ALK: variants seen among roughly 807,000 people sequenced by gnomAD.
The protein encoded by ALK is ALK tyrosine kinase receptor.
A neutral mutation model predicts 163.1 loss-of-function variants in ALK; 74 were observed. The ratio of observed to expected loss-of-function variants is 0.45; its 90% CI spans 0.38 to 0.55. The LOEUF is 0.55. ALK is among the 20% of genes least tolerant of loss of function. ALK has a pLI of 0.00. For missense variants in ALK, 2,063 were observed against 2,105.3 expected, an observed-to-expected ratio of 0.98 and a Z score of 0.39; for synonymous variants, 960 against 843.2, an observed-to-expected ratio of 1.14 and a Z score of -2.40.
At chr2:29,912,126 A>C (rs980590184) in intron 1 of ALK, among the ~76,000 whole-genome samples, 3 of 152,220 alleles carry the variant, frequency 2.0e-5, no homozygotes, top group African/African-American at 7.2e-5. Flanking sequence ...AGAGCATGGG[A>C]GATCTAACAG....
chr2:29,857,637 T>C (rs1666176155), intron 1 of ALK, among the ~76,000 whole-genome samples: 1 of 152,138 alleles, frequency 6.6e-6, no homozygotes, highest in Admixed American at 6.5e-5. Context: ...GTCAACAAAA[T>C]CATGCATGTA....
chr2:29,294,424 G>C lies in ALK; in HGVS notation c.1817+2464C>G, dbSNP rs1368809640. ...CATCCCAGACCCTTCTGAGCCATTAGGTGGGGAGATATTGTCATTATTATA... is the reference window on the plus strand; with the variant it reads ...CATCCCAGACCCTTCTGAGCCATTACGTGGGGAGATATTGTCATTATTATA... On this transcript the variant is annotated intron_variant, in intron 9 of 28. Transcript: ENST00000389048. Among the ~76,000 whole-genome samples the C allele has an allele frequency of 2.0e-5, 3 of 152,208 alleles. No homozygotes were observed. The East Asian group carries it at 5.8e-4, about 29-fold the overall frequency.
intron 2 of ALK, among the ~76,000 whole-genome samples, chr2:29,705,266 TATATATATATATATAA>T (rs1319809897): frequency 0.028 from 1,569 of 56,498 alleles, 72 homozygotes; most frequent in African/African-American, 0.11. Flanking sequence ...TATATATATA[TATATATATATATATAA>T]ATATATATCT....
At chr2:29,675,798 G>A (rs1383558320) in intron 3 of ALK, among the ~76,000 whole-genome samples, 1 of 151,878 alleles carries the variant, frequency 6.6e-6, no homozygotes, top group Non-Finnish European at 1.5e-5. Flanking sequence ...TTGTGCCAAT[G>A]TTTGCTTTAG....
rs768568402 is a variant in ALK, at chr2:29,273,862, T to TA, written c.2041+1236dup. Among the ~76,000 whole-genome samples the TA allele has an allele frequency of 3.3e-5, 5 of 151,628 alleles. No homozygotes were observed. In the East Asian group the frequency reaches 5.8e-4, roughly 18 times the overall value. ...GAGGTGAATCACTGGGCCTGGGGGG[T>TA]AGGGCACTGAATGGAGAAGTTAGAA... On this transcript the variant is annotated intron_variant, in intron 11 of 28. Transcript: ENST00000389048.
At chr2:29,235,077 T>G (rs982875667) in intron 13 of ALK, among the ~76,000 whole-genome samples, 1 of 152,192 alleles carries the variant, frequency 6.6e-6, no homozygotes, top group African/African-American at 2.4e-5. Flanking sequence ...GCTCAGGTAT[T>G]AGAGAGTCCC....
At chr2:29,319,964 C>T (rs1344439121) in intron 7 of ALK, among the ~76,000 whole-genome samples, 1 of 152,256 alleles carries the variant, frequency 6.6e-6, no homozygotes, top group Non-Finnish European at 1.5e-5. Context: ...CAGCCCTATG[C>T]TGCAGAGAGG....
chr2:29,884,365 G>A (rs760731760), intron 1 of ALK, among the ~76,000 whole-genome samples: 44 of 152,172 alleles, frequency 2.9e-4, no homozygotes, highest in Non-Finnish European at 5.3e-4. Flanking sequence ...AAGTCATGAC[G>A]TTACAAGAAA....
At chr2:29,480,148 A>C (rs1271830062) in intron 4 of ALK, among the ~76,000 whole-genome samples, 1 of 152,242 alleles carries the variant, frequency 6.6e-6, no homozygotes, top group Non-Finnish European at 1.5e-5. Flanking sequence ...TAAAAACAGG[A>C]ATATGCATTG....
At chr2:29,300,939 A>G (rs1277226323) in intron 8 of ALK, among the ~76,000 whole-genome samples, 2 of 152,196 alleles carry the variant, frequency 1.3e-5, no homozygotes, top group African/African-American at 4.8e-5. Flanking sequence ...GAGGGCAAGA[A>G]GTGATGACTT....
chr2:29,894,835 C>A, intron 1 of ALK, among the ~76,000 whole-genome samples: 1 of 145,324 alleles, frequency 6.9e-6, no homozygotes, highest in East Asian at 2.0e-4. Flanking sequence ...ATGCTTCAAA[C>A]ACACACACAC....
intron 3 of ALK, among the ~76,000 whole-genome samples, chr2:29,574,672 G>A (rs927202559): frequency 6.6e-5 from 10 of 152,352 alleles, no homozygotes; most frequent in African/African-American, 2.4e-4. Context: ...ATGGGTACAA[G>A]TTCCCTAGAC....
At chr2:29,729,277 CTCTT>C (rs1382117426) in intron 1 of ALK, among the ~76,000 whole-genome samples, 7 of 152,288 alleles carry the variant, frequency 4.6e-5, no homozygotes, top group East Asian at 1.9e-4. Flanking sequence ...CAGAGCCTCT[CTCTT>C]TATTTTGCTT....
chr2:29,260,519 C>CT (rs895872445), intron 11 of ALK, among the ~76,000 whole-genome samples: 3 of 152,092 alleles, frequency 2.0e-5, no homozygotes, highest in Non-Finnish European at 2.9e-5. Flanking sequence ...CCCTCTACTC[C>CT]TTTTTTTAAT....
At chr2:29,482,135 A>G (rs1231921876) in intron 4 of ALK, among the ~76,000 whole-genome samples, 1 of 152,128 alleles carries the variant, frequency 6.6e-6, no homozygotes, top group East Asian at 1.9e-4. Flanking sequence ...CTGGTTTGAG[A>G]CCAGTACCGG....
intron 1 of ALK, among the ~76,000 whole-genome samples, chr2:29,800,913 C>A (rs961586183): frequency 6.6e-6 from 1 of 152,226 alleles, no homozygotes; most frequent in Non-Finnish European, 1.5e-5. Context: ...CGCCGCTAAG[C>A]GTGCCCATGC....
intron 1 of ALK, among the ~76,000 whole-genome samples, chr2:29,859,035 A>AAAACAAACAAAC (rs70962243): frequency 1.2e-3 from 177 of 150,792 alleles, no homozygotes; most frequent in Middle Eastern, 3.4e-3. Flanking sequence ...TCTGTCTCAA[A>AAAACAAACAAAC]AAACAAACAA....
Position 29,410,245 on chromosome 2 carries a change from C to T in ALK, c.1155-26386G>A, listed in dbSNP as rs138823831. Among the ~76,000 whole-genome samples the T allele has an allele frequency of 7.2e-3, 1,102 of 152,286 alleles. 14 individuals carry two copies. Among genetic ancestry groups the T allele is most frequent in the African/African-American group, 0.024 (1,018 of 41,560 alleles). ...CTGCCTCCCATTCTATTCAAAGTCA[C>T]TCCTCTGCTCACTGAGATAGATGCA... On this transcript the variant is annotated intron_variant, in intron 4 of 28. Coordinates refer to ENST00000389048, the MANE Select transcript of ALK (RefSeq NM_004304.5).
intron 3 of ALK, among the ~76,000 whole-genome samples, chr2:29,598,090 C>T (rs1030130569): frequency 2.0e-5 from 3 of 152,204 alleles, no homozygotes; most frequent in Non-Finnish European, 2.9e-5. Flanking sequence ...TGCAATGGTG[C>T]GATCTTGGCT....
Sources: allele counts gnomAD v4.1 joint callset (sites outside exome capture counted in the v4.1 genomes callset), GRCh38; gene constraint gnomAD v4.1.1; transcripts MANE v1.5; gene names NCBI Gene and HGNC (gene_info 2026-07-23, HGNC 2026-07-21).